Variants in CRTAC1 observed in about 807,000 individuals in gnomAD.
CRTAC1 encodes acidic secreted protein in cartilage.
A neutral mutation model predicts 67.8 loss-of-function variants in CRTAC1; 37 were observed. The ratio of observed to expected loss-of-function variants is 0.55; its 90% CI spans 0.42 to 0.72. CRTAC1 has a LOEUF of 0.72. CRTAC1 is among the 30% of genes least tolerant of loss of function. The probability of loss-of-function intolerance (pLI) is 0.00; values close to 1 mark genes in which losing one functional copy is unlikely to be tolerated. For synonymous variants in CRTAC1, 348 were observed against 371.0 expected (o/e 0.94, Z 0.71); for missense variants, 780 against 931.6 (o/e 0.84, Z 2.12).
At chr10:98,010,839 A>G (rs2136694497) in intron 2 of CRTAC1, among the ~76,000 whole-genome samples, 1 of 152,300 alleles carries the variant, frequency 6.6e-6, no homozygotes, top group Admixed American at 6.5e-5. Flanking sequence ...CTTAAATATG[A>G]AGAGAAGACA....
intron 9 of CRTAC1, 76 bp downstream of exon 9, chr10:97,896,833 T>TCC: frequency 2.2e-6 from 1 of 450,862 alleles, no homozygotes; most frequent in East Asian, 4.6e-5. Flanking sequence ...GGCTGCCCCG[T>TCC]CCCTCCCGCC....
chr10:97,976,416 C>G (rs1012917230), intron 2 of CRTAC1, among the ~76,000 whole-genome samples: 2 of 152,196 alleles, frequency 1.3e-5, no homozygotes, highest in African/African-American at 4.8e-5. Flanking sequence ...CTAGGCTTCA[C>G]CTGTCTCACC....
At chr10:97,935,709 G>A (rs1299211342) in intron 3 of CRTAC1, among the ~76,000 whole-genome samples, 4 of 152,216 alleles carry the variant, frequency 2.6e-5, no homozygotes, top group Non-Finnish European at 5.9e-5. Context: ...GCTGAGAGTA[G>A]TGGGGGGCTC....
chr10:97,952,054 T>TA (rs1590233679), intron 2 of CRTAC1, among the ~76,000 whole-genome samples: 1 of 152,136 alleles, frequency 6.6e-6, no homozygotes, highest in East Asian at 1.9e-4. Flanking sequence ...CAGACCTTGT[T>TA]AAAAATGCAA....
chr10:97,908,890 A>G (rs1008172572), intron 5 of CRTAC1, among the ~76,000 whole-genome samples: 7 of 152,332 alleles, frequency 4.6e-5, no homozygotes, highest in African/African-American at 9.6e-5. Context: ...GTGCAGAGTT[A>G]TTCAGTTCGG....
intron 1 of CRTAC1, among the ~76,000 whole-genome samples, chr10:98,027,281 T>C (rs1406815772): frequency 6.6e-6 from 1 of 151,612 alleles, no homozygotes; most frequent in Non-Finnish European, 1.5e-5. Context: ...GAAAGGGCAA[T>C]GGAAATGGTA....
chr10:97,944,924 A>C (rs1283062300), intron 2 of CRTAC1, among the ~76,000 whole-genome samples: 1 of 152,244 alleles, frequency 6.6e-6, no homozygotes, highest in Non-Finnish European at 1.5e-5. Flanking sequence ...GCTCACTGAC[A>C]GCTGAATGCA....
intron 2 of CRTAC1, among the ~76,000 whole-genome samples, chr10:97,949,866 A>C (rs185788802): frequency 1.8e-3 from 267 of 152,358 alleles, no homozygotes; most frequent in Non-Finnish European, 2.9e-3. Context: ...AATATCTATA[A>C]AGCAGTGAAT....
intron 1 of CRTAC1, among the ~76,000 whole-genome samples, chr10:98,021,359 G>A (rs927448796): frequency 6.6e-6 from 1 of 152,292 alleles, no homozygotes; most frequent in Admixed American, 6.5e-5. Flanking sequence ...ATAGACAGGA[G>A]ACTTGGGCTT....
At chr10:97,911,019 G>C (rs2050681996) in intron 5 of CRTAC1, among the ~76,000 whole-genome samples, 1 of 152,214 alleles carries the variant, frequency 6.6e-6, no homozygotes, top group African/African-American at 2.4e-5. Context: ...CCAGAGGCCT[G>C]TCCTAAAGCC....
At chr10:97,882,463 G>T (rs2050228336) in intron 13 of CRTAC1, among the ~76,000 whole-genome samples, 1 of 152,180 alleles carries the variant, frequency 6.6e-6, no homozygotes, top group South Asian at 2.1e-4. Flanking sequence ...TGGACTTGCT[G>T]GCCATGGCAT....
At chr10:97,896,044 C>T (rs1011408135) in intron 9 of CRTAC1, 59 bp from the exon 10 acceptor site, 32 of 1,465,514 alleles carry the variant, frequency 2.2e-5, no homozygotes, top group Admixed American at 8.4e-5. Flanking sequence ...AAAGGAGACA[C>T]GCTCCCAACC....
At chr10:97,965,303 A>T (rs1370044666) in intron 2 of CRTAC1, among the ~76,000 whole-genome samples, 1 of 152,242 alleles carries the variant, frequency 6.6e-6, no homozygotes, top group Non-Finnish European at 1.5e-5. Flanking sequence ...TAATTCACTT[A>T]ATTTCCAGCA....
chr10:97,968,079 T>C (rs756774577), intron 2 of CRTAC1, among the ~76,000 whole-genome samples: 1 of 152,052 alleles, frequency 6.6e-6, no homozygotes, highest in Non-Finnish European at 1.5e-5. Context: ...AAAAAATAAA[T>C]GAAGCTCAAA....
intron 8 of CRTAC1, 57 bp downstream of exon 8, chr10:97,901,446 C>A (rs994530882): frequency 1.2e-6 from 2 of 1,609,524 alleles, no homozygotes; most frequent in Non-Finnish European, 1.7e-6. Context: ...TCTCCCTGAC[C>A]GTTCCTCCCA....
chr10:97,990,709 C>A (rs1472407612), intron 2 of CRTAC1, among the ~76,000 whole-genome samples: 1 of 152,220 alleles, frequency 6.6e-6, no homozygotes, highest in Non-Finnish European at 1.5e-5. Flanking sequence ...TGCTCTCATT[C>A]ACCACTAACC....
At chr10:97,906,216 C>T (rs780707371) in intron 6 of CRTAC1, among the ~76,000 whole-genome samples, 29 of 152,162 alleles carry the variant, frequency 1.9e-4, no homozygotes, top group East Asian at 5.8e-4. Flanking sequence ...AAAGAGGGTT[C>T]GCAGAGGACT....
At chr10:97,910,699 G>A (rs1417446412) in intron 5 of CRTAC1, among the ~76,000 whole-genome samples, 2 of 152,204 alleles carry the variant, frequency 1.3e-5, no homozygotes, top group East Asian at 3.9e-4. Context: ...CCCATCCTCT[G>A]AGAGATGCCC....
chr10:98,004,427 T>C (rs1590283312), intron 2 of CRTAC1, among the ~76,000 whole-genome samples: 1 of 152,248 alleles, frequency 6.6e-6, no homozygotes, highest in Non-Finnish European at 1.5e-5. Flanking sequence ...GGTGCTTGAA[T>C]AGCTGTTGAG....
Sources: allele counts gnomAD v4.1 joint callset (sites outside exome capture counted in the v4.1 genomes callset), GRCh38; gene constraint gnomAD v4.1.1; transcripts MANE v1.5; gene names NCBI Gene and HGNC (gene_info 2026-07-23, HGNC 2026-07-21).